Variants in DOCK3 observed in about 807,000 individuals in gnomAD.
The protein encoded by DOCK3 is dedicator of cytokinesis protein 3.
In DOCK3, 60 loss-of-function variants were observed where a neutral mutation model predicts 265.6. The ratio of observed to expected loss-of-function variants is 0.23; its 90% CI spans 0.18 to 0.28. DOCK3 has a LOEUF of 0.28. DOCK3 is among the 10% of genes least tolerant of loss of function. The probability of loss-of-function intolerance (pLI) is 1.00; values close to 1 mark genes in which losing one functional copy is unlikely to be tolerated. For synonymous variants in DOCK3, 881 were observed against 938.0 expected (o/e 0.94, Z 1.11); for missense variants, 1,981 against 2,594.3 (o/e 0.76, Z 5.14).
At chr3:51,138,869 A>T (rs573205168) in intron 9 of DOCK3, among the ~76,000 whole-genome samples, 134 of 152,318 alleles carry the variant, frequency 8.8e-4, no homozygotes, top group African/African-American at 3.2e-3. Flanking sequence ...TTATCACATT[A>T]TCAGATAATT....
chr3:50,864,572 G>C (rs1007771347), intron 3 of DOCK3, among the ~76,000 whole-genome samples: 3 of 151,844 alleles, frequency 2.0e-5, no homozygotes, highest in African/African-American at 2.4e-5. Context: ...GTTTAATAGT[G>C]CCAGGTCTTA....
chr3:51,306,164 C>A (rs2082681521), intron 27 of DOCK3, among the ~76,000 whole-genome samples: 1 of 151,984 alleles, frequency 6.6e-6, no homozygotes, highest in African/African-American at 2.4e-5. Context: ...CTGTGCTTTG[C>A]AGTTTCTTTA....
At chr3:50,817,704 T>C (rs1228565005) in intron 2 of DOCK3, among the ~76,000 whole-genome samples, 3 of 152,120 alleles carry the variant, frequency 2.0e-5, no homozygotes, top group Admixed American at 6.6e-5. Flanking sequence ...ATTTTTTTTT[T>C]CCCTTGCTGG....
intron 23 of DOCK3, among the ~76,000 whole-genome samples, chr3:51,267,700 A>G (rs2080273293): frequency 1.3e-5 from 2 of 152,274 alleles, no homozygotes; most frequent in East Asian, 1.9e-4. Context: ...ACATACGTTT[A>G]TTGCAGCACT....
intron 44 of DOCK3, 47 bp from the exon 45 acceptor site, chr3:51,357,711 T>A: frequency 6.2e-7 from 1 of 1,602,036 alleles, no homozygotes; most frequent in South Asian, 1.1e-5. Flanking sequence ...CCCACTTAAG[T>A]AGTAGTCCTG....
chr3:50,836,309 C>T (rs6763990), intron 2 of DOCK3, among the ~76,000 whole-genome samples: 127,814 of 152,156 alleles, frequency 0.84, 54,112 homozygotes, highest in East Asian at 0.95. Flanking sequence ...CAGCAGACTT[C>T]TGCCTGGACA....
chr3:50,854,240 C>T (rs556760751), intron 3 of DOCK3, among the ~76,000 whole-genome samples: 2 of 152,084 alleles, frequency 1.3e-5, no homozygotes, highest in Admixed American at 1.3e-4. Context: ...TGCAAATATT[C>T]TTTCCCACTC....
chr3:51,208,021 G>A (rs775331322), intron 12 of DOCK3, among the ~76,000 whole-genome samples: 1 of 152,186 alleles, frequency 6.6e-6, no homozygotes, highest in Non-Finnish European at 1.5e-5. Flanking sequence ...CGTGGTTGCA[G>A]TTCTCCGGGA....
chr3:51,336,982 C>A (rs1246260655), intron 35 of DOCK3: 6 of 439,396 alleles, frequency 1.4e-5, no homozygotes, highest in South Asian at 9.6e-5. Context: ...ACTTGGCCAT[C>A]TGACCTCAGC....
In DOCK3 at chr3:51,381,088, C is replaced by G; in HGVS notation, c.5622C>G (p.Pro1874=). The G allele has an allele frequency of 1.2e-6, 2 of 1,610,090 alleles. No homozygotes were observed. Among genetic ancestry groups the G allele is most frequent in the East Asian group, 2.2e-5 (1 of 44,774 alleles). Residue 1874 remains proline (P), a synonymous_variant, in exon 53 of 53, where the codon CCC becomes CCG. Coordinates refer to ENST00000266037, the MANE Select transcript of DOCK3 (RefSeq NM_004947.5). This position sits in a 1 kb window ranked among gnomAD's most constrained non-coding sequence, Gnocchi z 5.6. The stretch of plus-strand genomic sequence containing the variant: ...CTATCCCAGCCTCCCCCACAAGCCC[C>G]CAGTCAGGTCTGGACGGCAGCAACT... The part of the protein sequence containing the change: ...LHPIPASPTS[P]QSGLDGSNST...
At chr3:51,138,551 T>C (rs1159800182) in intron 9 of DOCK3, among the ~76,000 whole-genome samples, 1 of 152,186 alleles carries the variant, frequency 6.6e-6, no homozygotes, top group Non-Finnish European at 1.5e-5. Context: ...GAAGTTCCTA[T>C]GTTCTGATAG....
At chr3:50,718,886 C>A (rs1013281616) in intron 1 of DOCK3, among the ~76,000 whole-genome samples, 7 of 151,304 alleles carry the variant, frequency 4.6e-5, no homozygotes, top group African/African-American at 1.7e-4. Flanking sequence ...TGGGTTCAAG[C>A]CATTCTCCTG....
intron 5 of DOCK3, among the ~76,000 whole-genome samples, chr3:51,042,047 A>G (rs1410264234): frequency 6.6e-6 from 1 of 152,216 alleles, no homozygotes; most frequent in African/African-American, 2.4e-5. Flanking sequence ...ATTCCAAAAA[A>G]TTGAAAAGGA....
At chr3:50,994,465 G>C (rs1414302989) in intron 5 of DOCK3, among the ~76,000 whole-genome samples, 1 of 152,168 alleles carries the variant, frequency 6.6e-6, no homozygotes, top group Non-Finnish European at 1.5e-5. Context: ...TTTCAAAACT[G>C]GTGTGATGTC....
intron 27 of DOCK3, among the ~76,000 whole-genome samples, chr3:51,296,661 A>G (rs924812001): frequency 6.6e-6 from 1 of 151,910 alleles, no homozygotes; most frequent in Non-Finnish European, 1.5e-5. Flanking sequence ...TATTTTTAGT[A>G]GAGATGGGGT....
intron 2 of DOCK3, among the ~76,000 whole-genome samples, chr3:50,790,877 CT>C (rs1426828577): frequency 2.0e-5 from 3 of 152,054 alleles, no homozygotes; most frequent in East Asian, 1.9e-4. Flanking sequence ...ATCAATGATA[CT>C]TTTTTTCATA....
chr3:50,819,157 A>G (rs1386811758), intron 2 of DOCK3, among the ~76,000 whole-genome samples: 1 of 152,116 alleles, frequency 6.6e-6, no homozygotes, highest in South Asian at 2.1e-4. Context: ...TGAGTTTTGT[A>G]TCATGCTTTG....
At chr3:51,250,175 C>G (rs1005970864) in intron 22 of DOCK3, among the ~76,000 whole-genome samples, 3 of 151,276 alleles carry the variant, frequency 2.0e-5, no homozygotes, top group Non-Finnish European at 4.4e-5. Flanking sequence ...AACCAGAGAC[C>G]TTTGTTCACT....
At chr3:51,328,973 T>C (rs2084336405) in intron 32 of DOCK3, among the ~76,000 whole-genome samples, 1 of 151,968 alleles carries the variant, frequency 6.6e-6, no homozygotes, top group African/African-American at 2.4e-5. Context: ...GGCAACATGG[T>C]GAAACCCCAT....
Sources: allele counts gnomAD v4.1 joint callset (sites outside exome capture counted in the v4.1 genomes callset), GRCh38; gene constraint gnomAD v4.1.1; non-coding constraint Gnocchi (gnomAD v3.1); transcripts MANE v1.5; gene names NCBI Gene and HGNC (gene_info 2026-07-23, HGNC 2026-07-21).